AGBL1: variants seen among roughly 807,000 people sequenced by gnomAD.
AGBL1 encodes the protein cytosolic carboxypeptidase 4.
In AGBL1, 130 loss-of-function variants were observed where a neutral mutation model predicts 118.9. That is an observed-to-expected ratio of 1.09 (90% CI 0.95 to 1.26). The LOEUF (loss-of-function observed/expected upper bound fraction) is 1.26, where lower values mean the gene tolerates loss of function less well. Ranked by LOEUF, AGBL1 falls within the 50% of genes most tolerant of loss-of-function variation. The pLI, the probability that AGBL1 is intolerant of heterozygous loss-of-function variation, is 0.00. For synonymous variants in AGBL1, 555 were observed against 478.9 expected (o/e 1.16, Z -2.08); for missense variants, 1,584 against 1,298.1 (o/e 1.22, Z -3.38).
intron 5 of AGBL1, among the ~76,000 whole-genome samples, chr15:86,215,802 T>C (rs920161876): frequency 6.6e-6 from 1 of 152,230 alleles, no homozygotes; most frequent in African/African-American, 2.4e-5. Flanking sequence ...ATCACTCCAA[T>C]TGTACCATGA....
chr15:86,993,034 C>T (rs531367043), intron 24 of AGBL1, among the ~76,000 whole-genome samples: 1 of 152,204 alleles, frequency 6.6e-6, no homozygotes, highest in South Asian at 2.1e-4. Context: ...AAACACTTCC[C>T]ATTTATGACC....
At chr15:86,720,109 T>C (rs562597593) in intron 22 of AGBL1, among the ~76,000 whole-genome samples, 1 of 152,344 alleles carries the variant, frequency 6.6e-6, no homozygotes, top group East Asian at 1.9e-4. Flanking sequence ...GTCAAATTAA[T>C]ATCTCTAAGC....
intron 12 of AGBL1, 60 bp from the exon 13 acceptor site, chr15:86,266,930 A>C: frequency 3.9e-6 from 5 of 1,282,502 alleles, no homozygotes; most frequent in Non-Finnish European, 5.5e-6. Flanking sequence ...AAGAATCATC[A>C]CACTGTTTTC....
intron 1 of AGBL1, among the ~76,000 whole-genome samples, chr15:86,129,034 C>G (rs1010465190): frequency 6.6e-6 from 1 of 152,154 alleles, no homozygotes; most frequent in African/African-American, 2.4e-5. Context: ...AACAGAAAAT[C>G]TTAGTCTTTA....
chr15:86,830,273 C>T (rs571223879), intron 22 of AGBL1, among the ~76,000 whole-genome samples: 2 of 152,074 alleles, frequency 1.3e-5, no homozygotes, highest in Non-Finnish European at 2.9e-5. Flanking sequence ...CTTCAGAAAT[C>T]TTTATGACCC....
At chr15:86,960,326 A>C (rs1361045498) in intron 23 of AGBL1, among the ~76,000 whole-genome samples, 4 of 152,042 alleles carry the variant, frequency 2.6e-5, no homozygotes, top group Non-Finnish European at 1.5e-5. Flanking sequence ...ACTTATGCTC[A>C]TATCTATAAA....
At chr15:86,975,606 A>T (rs1363788453) in intron 23 of AGBL1, among the ~76,000 whole-genome samples, 1 of 152,148 alleles carries the variant, frequency 6.6e-6, no homozygotes, top group Non-Finnish European at 1.5e-5. Context: ...CAACCTCATC[A>T]GCAAATATTT....
chr15:86,590,082 G>T (rs1353475069), intron 21 of AGBL1, among the ~76,000 whole-genome samples: 1 of 152,158 alleles, frequency 6.6e-6, no homozygotes. Flanking sequence ...ACCACAGAGT[G>T]ATTGGCCTCC....
At chr15:86,167,842 T>A (rs1407351659) in intron 5 of AGBL1, among the ~76,000 whole-genome samples, 3 of 152,264 alleles carry the variant, frequency 2.0e-5, no homozygotes, top group Admixed American at 1.3e-4. Context: ...GCTTTCTGCC[T>A]AAGTTCAATT....
rs376239005 is a variant in AGBL1, at chr15:86,264,941, C to T, written c.1667+103C>T. On this transcript the variant is annotated intron_variant, in intron 11 of 22. Coordinates refer to ENST00000614907, the MANE Select transcript of AGBL1 (RefSeq NM_001386094.1). ...ATTCTACTATCTATAGGAAAGAGAG[C>T]ATTAATCAGGAACATGTCAAAGCCT... 5.7e-5 allele frequency: 63 copies of T among 1,109,106 alleles called. No homozygotes were observed. The East Asian group carries it at 7.1e-4, about 12-fold the overall frequency. 68.7% of individuals were successfully genotyped at this position (1,109,106 alleles called of 1,614,324 possible).
At chr15:87,001,990 C>T (rs1176189648) in intron 24 of AGBL1, among the ~76,000 whole-genome samples, 5 of 151,952 alleles carry the variant, frequency 3.3e-5, no homozygotes, top group Non-Finnish European at 7.4e-5. Flanking sequence ...TAATTAGATC[C>T]CATTTGTCAA....
At chr15:86,557,195 A>G (rs899821737) in intron 21 of AGBL1, among the ~76,000 whole-genome samples, 1 of 152,190 alleles carries the variant, frequency 6.6e-6, no homozygotes, top group Non-Finnish European at 1.5e-5. Context: ...TACTTTACCT[A>G]TTAGGGATGG....
At chr15:86,526,370 C>A (rs754609339) in intron 19 of AGBL1, among the ~76,000 whole-genome samples, 1 of 151,806 alleles carries the variant, frequency 6.6e-6, no homozygotes, top group Non-Finnish European at 1.5e-5. Context: ...TGGGTATCTA[C>A]CCAAAGGAAT....
At chr15:87,021,649 G>GA (rs1303990856) in intron 24 of AGBL1, among the ~76,000 whole-genome samples, 1 of 152,000 alleles carries the variant, frequency 6.6e-6, no homozygotes, top group Non-Finnish European at 1.5e-5. Context: ...AAATTTACCA[G>GA]AAAAAAACAT....
intron 21 of AGBL1, among the ~76,000 whole-genome samples, chr15:86,655,213 T>G (rs1567106093): frequency 1.3e-5 from 2 of 152,166 alleles, no homozygotes; most frequent in Non-Finnish European, 2.9e-5. Context: ...TGCAGGGCAT[T>G]CAAACAGACC....
At chr15:86,709,945 G>C (rs2086524595) in intron 22 of AGBL1, among the ~76,000 whole-genome samples, 1 of 152,120 alleles carries the variant, frequency 6.6e-6, no homozygotes, top group African/African-American at 2.4e-5. Flanking sequence ...CCTGTTAACT[G>C]TACTCTTTTT....
chr15:86,599,726 C>T (rs910558859), intron 21 of AGBL1, among the ~76,000 whole-genome samples: 1 of 152,064 alleles, frequency 6.6e-6, no homozygotes, highest in Non-Finnish European at 1.5e-5. Flanking sequence ...TCTTATTCCC[C>T]GATTCCTCAG....
At chr15:86,686,324 A>G (rs1380532807) in intron 22 of AGBL1, among the ~76,000 whole-genome samples, 2 of 151,822 alleles carry the variant, frequency 1.3e-5, no homozygotes, top group South Asian at 2.1e-4. Context: ...AACCTCTCAC[A>G]TGTTAGTGTG....
intron 5 of AGBL1, among the ~76,000 whole-genome samples, chr15:86,210,951 G>GT (rs1271876612): frequency 6.6e-6 from 1 of 152,166 alleles, no homozygotes; most frequent in Non-Finnish European, 1.5e-5. Context: ...CTTCTTTGTG[G>GT]TTTTTTCTAC....
Sources: allele counts gnomAD v4.1 joint callset (sites outside exome capture counted in the v4.1 genomes callset), GRCh38; gene constraint gnomAD v4.1.1; transcripts MANE v1.5; gene names NCBI Gene and HGNC (gene_info 2026-07-23, HGNC 2026-07-21).